The following TTBK2 variants were observed in gnomAD, a reference collection of about 807,000 sequenced individuals.
The protein encoded by TTBK2 is tau-tubulin kinase 2.
Under a neutral mutation model 110.8 loss-of-function variants are expected in TTBK2, and 28 were observed. The observed-to-expected ratio is 0.25, with a 90% CI of 0.19 to 0.35. The LOEUF is 0.35. Ranked by LOEUF, TTBK2 falls within the 10% of genes least tolerant of loss-of-function variation. The pLI is 1.00. For missense variants in TTBK2, 1,369 were observed against 1,500.3 expected, an observed-to-expected ratio of 0.91 and a Z score of 1.45; for synonymous variants, 532 against 527.3, an observed-to-expected ratio of 1.01 and a Z score of -0.12.
chr15:42,898,516 G>A (rs7166736), intron 1 of TTBK2, among the ~76,000 whole-genome samples: 7,706 of 107,610 alleles, frequency 0.072, 558 homozygotes, highest in African/African-American at 0.21. Flanking sequence ...GTCTCAAAAA[G>A]AAAAAAAAAA....
intron 6 of TTBK2, among the ~76,000 whole-genome samples, chr15:42,826,623 A>C (rs1892544986): frequency 6.6e-6 from 1 of 152,194 alleles, no homozygotes; most frequent in Non-Finnish European, 1.5e-5. Flanking sequence ...CCCAGCTATA[A>C]CCAATCCAGC....
chr15:42,774,262 G>C (rs1464859117), intron 13 of TTBK2, among the ~76,000 whole-genome samples: 1 of 152,186 alleles, frequency 6.6e-6, no homozygotes, highest in Non-Finnish European at 1.5e-5. Flanking sequence ...GGAATTTAAG[G>C]AAACCTGGTA....
chr15:42,885,572 G>A (rs1895209335), intron 1 of TTBK2, among the ~76,000 whole-genome samples: 1 of 152,156 alleles, frequency 6.6e-6, no homozygotes, highest in African/African-American at 2.4e-5. Context: ...ATTCACCCAC[G>A]TTTCAGAGGT....
At chr15:42,773,303 G>A (rs574686327) in intron 13 of TTBK2, among the ~76,000 whole-genome samples, 2 of 152,118 alleles carry the variant, frequency 1.3e-5, no homozygotes, top group East Asian at 3.9e-4. Context: ...CGGGCTTGGT[G>A]GTGGGCACCT....
intron 1 of TTBK2, among the ~76,000 whole-genome samples, chr15:42,917,091 A>T (rs928904416): frequency 6.6e-6 from 1 of 152,170 alleles, no homozygotes; most frequent in African/African-American, 2.4e-5. Context: ...GCACTATTAC[A>T]TCCCAGATTC....
intron 1 of TTBK2, among the ~76,000 whole-genome samples, chr15:42,886,593 C>A (rs2141153402): frequency 6.6e-6 from 1 of 152,212 alleles, no homozygotes; most frequent in East Asian, 1.9e-4. Context: ...AGAAAAACTC[C>A]AAAAATTAGA....
chr15:42,799,713 G>A (rs927999945), intron 9 of TTBK2, among the ~76,000 whole-genome samples: 2 of 152,070 alleles, frequency 1.3e-5, no homozygotes, highest in African/African-American at 2.4e-5. Context: ...TGGGATTACA[G>A]GCGTGAGCCA....
chr15:42,802,737 C>G (rs1408558821), intron 9 of TTBK2, among the ~76,000 whole-genome samples: 2 of 152,112 alleles, frequency 1.3e-5, no homozygotes, highest in Non-Finnish European at 2.9e-5. Context: ...ATGGTTAATA[C>G]TGAGTGTCAA....
At chr15:42,913,365 C>A (rs554339263) in intron 1 of TTBK2, among the ~76,000 whole-genome samples, 2 of 151,986 alleles carry the variant, frequency 1.3e-5, no homozygotes, top group East Asian at 1.9e-4. Context: ...AGAGGCTGGG[C>A]GTGGTGGCTC....
intron 4 of TTBK2, among the ~76,000 whole-genome samples, chr15:42,834,204 G>GT (rs1555429712): frequency 6.7e-6 from 1 of 148,448 alleles, no homozygotes; most frequent in Non-Finnish European, 1.5e-5. Context: ...AAAGGGGGGG[G>GT]GTGTATAAAA....
intron 14 of TTBK2, among the ~76,000 whole-genome samples, chr15:42,749,264 A>G (rs141871297): frequency 1.3e-5 from 2 of 152,350 alleles, no homozygotes; most frequent in Non-Finnish European, 2.9e-5. Context: ...TTCTGGGAAG[A>G]CAGTAGAGTA....
intron 13 of TTBK2, among the ~76,000 whole-genome samples, chr15:42,766,610 C>A (rs1027442295): frequency 2.7e-4 from 41 of 152,068 alleles, no homozygotes; most frequent in Middle Eastern, 3.4e-3. Context: ...GCACCCAATA[C>A]AGGAGCACCC....
chr15:42,897,552 T>C (rs1315234871), intron 1 of TTBK2, among the ~76,000 whole-genome samples: 1 of 152,056 alleles, frequency 6.6e-6, no homozygotes, highest in Non-Finnish European at 1.5e-5. Context: ...CACATTAAGT[T>C]GAGAAGGATC....
At chr15:42,789,488 C>T (rs911459892) in intron 10 of TTBK2, among the ~76,000 whole-genome samples, 2 of 152,056 alleles carry the variant, frequency 1.3e-5, no homozygotes, top group Non-Finnish European at 1.5e-5. Context: ...AATCCCAGCA[C>T]TTTGGGAGGT....
Position 42,745,588 on chromosome 15 carries a change from ACAAAGAC to A in TTBK2, c.*200_*206del. On this transcript the variant is annotated 3_prime_UTR_variant, in exon 15 of 15. Coordinates refer to ENST00000267890, the MANE Select transcript of TTBK2 (RefSeq NM_173500.4). ...TTTTTGCTCTATTTTTCCTTCTTGT[ACAAAGAC>A]ATTGATTCCTAATCTACTTGCTGCC... The A allele has an allele frequency of 1.5e-6, 1 of 645,788 alleles. No homozygotes were observed. The highest frequency in any genetic ancestry group is 2.7e-6 in the Non-Finnish European group (1 of 373,220). 40.0% of individuals were successfully genotyped at this position (645,788 alleles called of 1,614,324 possible).
intron 4 of TTBK2, among the ~76,000 whole-genome samples, chr15:42,832,744 A>T (rs549632227): frequency 3.3e-5 from 5 of 152,252 alleles, no homozygotes; most frequent in African/African-American, 1.2e-4. Flanking sequence ...CAGGCCCAGG[A>T]CGTGAATCAC....
chr15:42,754,029 A>G (rs998160726), intron 13 of TTBK2, among the ~76,000 whole-genome samples: 3 of 152,104 alleles, frequency 2.0e-5, no homozygotes, highest in African/African-American at 7.2e-5. Flanking sequence ...ATATCTTCCT[A>G]CAAGTAAAGA....
intron 1 of TTBK2, among the ~76,000 whole-genome samples, chr15:42,910,409 C>G (rs572596139): frequency 2.0e-4 from 31 of 152,346 alleles, no homozygotes; most frequent in African/African-American, 7.5e-4. Flanking sequence ...AGAGCATCTA[C>G]TCATTCACTT....
intron 13 of TTBK2, among the ~76,000 whole-genome samples, chr15:42,755,240 G>A (rs1020417869): frequency 1.3e-5 from 2 of 152,246 alleles, no homozygotes; most frequent in African/African-American, 4.8e-5. Flanking sequence ...GAGAAATCAA[G>A]TAAGTTCAAA....
Sources: allele counts gnomAD v4.1 joint callset (sites outside exome capture counted in the v4.1 genomes callset), GRCh38; gene constraint gnomAD v4.1.1; transcripts MANE v1.5; gene names NCBI Gene and HGNC (gene_info 2026-07-23, HGNC 2026-07-21).